The following MYO5B variants were observed in gnomAD, a reference collection of about 807,000 sequenced individuals.
The protein encoded by MYO5B is unconventional myosin-Vb.
In MYO5B, 143 loss-of-function variants were observed where a neutral mutation model predicts 229.3. The observed-to-expected ratio is 0.62, with a 90% CI of 0.54 to 0.72. The LOEUF (loss-of-function observed/expected upper bound fraction) is 0.72. Ranked by LOEUF, MYO5B falls within the 30% of genes least tolerant of loss-of-function variation. The probability of loss-of-function intolerance (pLI) is 0.00; values close to 1 mark genes in which losing one functional copy is unlikely to be tolerated. For synonymous variants in MYO5B, 918 were observed against 885.2 expected, an observed-to-expected ratio of 1.04 and a Z score of -0.66; for missense variants, 2,321 against 2,331.0, an observed-to-expected ratio of 1.00 and a Z score of 0.09.
At chr18:49,994,894 A>G (rs1224498768) in intron 5 of MYO5B, among the ~76,000 whole-genome samples, 2 of 152,216 alleles carry the variant, frequency 1.3e-5, no homozygotes, top group African/African-American at 4.8e-5. Flanking sequence ...CGGACCTTCA[A>G]CATAAGCCAG....
At chr18:50,106,823 A>G (rs775487861) in intron 1 of MYO5B, among the ~76,000 whole-genome samples, 2 of 152,240 alleles carry the variant, frequency 1.3e-5, no homozygotes, top group Non-Finnish European at 2.9e-5. Context: ...CTATTATAAC[A>G]GGAACTCAAG....
chr18:50,080,817 G>A (rs771401123), intron 1 of MYO5B, among the ~76,000 whole-genome samples: 3 of 152,142 alleles, frequency 2.0e-5, no homozygotes, highest in Non-Finnish European at 2.9e-5. Context: ...ACAGGGGCAC[G>A]GCCCTTCCAT....
At chr18:50,039,091 T>C (rs976067824) in intron 3 of MYO5B, among the ~76,000 whole-genome samples, 1 of 152,156 alleles carries the variant, frequency 6.6e-6, no homozygotes, top group Non-Finnish European at 1.5e-5. Context: ...GTGTCACTTA[T>C]GACAATGAGC....
At chr18:49,843,604 C>G (rs2024089637) in intron 33 of MYO5B, among the ~76,000 whole-genome samples, 1 of 152,214 alleles carries the variant, frequency 6.6e-6, no homozygotes, top group Non-Finnish European at 1.5e-5. Flanking sequence ...GTTAAAAACA[C>G]AAACAAACAA....
intron 18 of MYO5B, among the ~76,000 whole-genome samples, chr18:49,910,620 T>C (rs1393070434): frequency 6.6e-6 from 1 of 152,140 alleles, no homozygotes; most frequent in Non-Finnish European, 1.5e-5. Context: ...TAGGCTCTCT[T>C]TTTAAAAAGG....
At position 49,941,141 on chromosome 18, in the gene MYO5B, C is replaced by T. The variant is rs2025308734; in HGVS notation, c.1753-3744G>A. Among the ~76,000 whole-genome samples the T allele has an allele frequency of 2.6e-5, 4 of 152,224 alleles. No homozygotes were observed. The South Asian group carries it at 8.3e-4, about 32-fold the overall frequency. ...TGCGGGAATCAACACGTGTCAGTTTCACTTTTCCCTCACACTCCTCATTTC... is the reference window on the plus strand; with the variant it reads ...TGCGGGAATCAACACGTGTCAGTTTTACTTTTCCCTCACACTCCTCATTTC... On this transcript the variant is annotated intron_variant, in intron 14 of 39. Coordinates refer to ENST00000285039, the MANE Select transcript of MYO5B (RefSeq NM_001080467.3).
At chr18:49,957,287 G>A (rs2025504556) in intron 12 of MYO5B, among the ~76,000 whole-genome samples, 1 of 151,834 alleles carries the variant, frequency 6.6e-6, no homozygotes, top group Non-Finnish European at 1.5e-5. Flanking sequence ...GCTGGCCTGG[G>A]ACATCTTCTG....
At chr18:50,065,973 G>C (rs1241376686) in intron 1 of MYO5B, among the ~76,000 whole-genome samples, 20 of 152,130 alleles carry the variant, frequency 1.3e-4, no homozygotes, top group Admixed American at 1.3e-3. Flanking sequence ...GGGAGACAGA[G>C]GACAGTGGTG....
chr18:49,922,696 A>T (rs1568032130), intron 17 of MYO5B, among the ~76,000 whole-genome samples: 1 of 152,178 alleles, frequency 6.6e-6, no homozygotes, highest in East Asian at 1.9e-4. Flanking sequence ...CACACATTTA[A>T]TTCACAGAAT....
intron 1 of MYO5B, among the ~76,000 whole-genome samples, chr18:50,094,207 A>C (rs1002667152): frequency 6.6e-6 from 1 of 152,222 alleles, no homozygotes; most frequent in Admixed American, 6.5e-5. Context: ...TGGAAAGATA[A>C]TCATGGTATA....
chr18:49,873,682 C>T lies in MYO5B; in HGVS notation c.3538-1450G>A, dbSNP rs190976702. Among the ~76,000 whole-genome samples the T allele has an allele frequency of 5.6e-4, 86 of 152,326 alleles. 1 individual carries two copies. The highest frequency in any genetic ancestry group is 1.9e-3 in the African/African-American group (80 of 41,566). Reference sequence around the variant, plus strand: ...GATGATATTGAGTACATTACATTCTCAGAAAGTGGAGGTCACCTACTCAGA... The same window carrying T: ...GATGATATTGAGTACATTACATTCTTAGAAAGTGGAGGTCACCTACTCAGA... On this transcript the variant is annotated intron_variant, in intron 26 of 39. Transcript: ENST00000285039.
At chr18:50,024,719 G>T (rs2026312329) in intron 4 of MYO5B, among the ~76,000 whole-genome samples, 1 of 152,088 alleles carries the variant, frequency 6.6e-6, no homozygotes, top group Admixed American at 6.5e-5. Context: ...ATAGACATGG[G>T]GCTTTCTCCT....
At chr18:49,873,919 C>T (rs1299346361) in intron 26 of MYO5B, among the ~76,000 whole-genome samples, 2 of 152,210 alleles carry the variant, frequency 1.3e-5, no homozygotes, top group African/African-American at 4.8e-5. Flanking sequence ...CATGGGCTTC[C>T]CTGCCATTCC....
Position 49,887,541 on chromosome 18 carries a change from C to G in MYO5B, c.3046-7086G>C, listed in dbSNP as rs2024657877. On this transcript the variant is annotated intron_variant, in intron 22 of 39. Coordinates refer to ENST00000285039, the MANE Select transcript of MYO5B (RefSeq NM_001080467.3). ...TGCTCCCACTATCGCCATGTGATGC[C>G]TGCTCCCCCTTCAACTTTTGCCATG... is the stretch of plus-strand genomic sequence containing the variant. Among the ~76,000 whole-genome samples, 3 of 152,132 alleles carry G rather than the reference C, an allele frequency of 2.0e-5. No homozygotes were observed. The South Asian group carries it at 6.2e-4, about 31-fold the overall frequency.
At chr18:49,893,569 C>T (rs1229086669) in intron 22 of MYO5B, among the ~76,000 whole-genome samples, 1 of 152,212 alleles carries the variant, frequency 6.6e-6, no homozygotes, top group African/African-American at 2.4e-5. Context: ...GGTGACTTAT[C>T]TGGGCAGAGG....
At chr18:49,929,446 CTG>C in intron 17 of MYO5B, 64 bp downstream of exon 17, 1 of 1,386,244 alleles carries the variant, frequency 7.2e-7, no homozygotes, top group Non-Finnish European at 1.0e-6. Flanking sequence ...AGAGGGCTCC[CTG>C]GGGAACCAAA....
rs191373763 is a variant in MYO5B, at chr18:49,841,787, C to T, written c.4612-333G>A. The stretch of plus-strand genomic sequence containing the variant: ...AGATGAGGCTCTGCCCCAACAGCCC[C>T]GGGCTCTCGTCTAACCGCCTGGGCT... On this transcript the variant is annotated intron_variant, in intron 34 of 39. Transcript: ENST00000285039. Among the ~76,000 whole-genome samples, 8 of 152,320 alleles carry T rather than the reference C, an allele frequency of 5.3e-5. No homozygotes were observed. In the East Asian group the frequency reaches 1.5e-3, roughly 29 times the overall value.
At position 49,918,084 on chromosome 18, in the gene MYO5B, G is replaced by A. The variant is rs772717430; in HGVS notation, c.2091-5911C>T. ...CAAGGCAGGGAGTGGTAACACGGCTGCTAAGAATGGTGCAGGAAGCGCAGT... is the reference window on the plus strand; with the variant it reads ...CAAGGCAGGGAGTGGTAACACGGCTACTAAGAATGGTGCAGGAAGCGCAGT... On this transcript the variant is annotated intron_variant, in intron 17 of 39. Coordinates refer to ENST00000285039, the MANE Select transcript of MYO5B (RefSeq NM_001080467.3). 7.9e-5 allele frequency among the ~76,000 whole-genome samples: 12 copies of A among 152,222 alleles called. No individual in the cohort carries two copies. In the East Asian group the frequency reaches 9.6e-4, roughly 12 times the overall value.
intron 1 of MYO5B, among the ~76,000 whole-genome samples, chr18:50,145,729 C>G (rs1206411104): frequency 6.6e-6 from 1 of 152,066 alleles, no homozygotes; most frequent in Non-Finnish European, 1.5e-5. Context: ...GAGGTTGGAA[C>G]TGAACCTACC....
Sources: gnomAD v4.1 joint callset for allele counts (sites outside exome capture counted in the v4.1 genomes callset) on GRCh38, gnomAD v4.1.1 for gene constraint, MANE v1.5 for transcripts, NCBI Gene and HGNC (gene_info 2026-07-23, HGNC 2026-07-21) for gene names.